Variants in IL5RA observed in about 807,000 individuals in gnomAD.
IL5RA encodes the protein interleukin 5 receptor subunit alpha, also known as interleukin-5 receptor subunit alpha.
In IL5RA, 49 loss-of-function variants were observed where a neutral mutation model predicts 50.0. The ratio of observed to expected loss-of-function variants is 0.98; its 90% confidence interval spans 0.78 to 1.24. The LOEUF (loss-of-function observed/expected upper bound fraction) is 1.24, where lower values mean the gene tolerates loss of function less well. Among genes scored for constraint, IL5RA ranks in the 50% most tolerant of loss-of-function variants. The probability of loss-of-function intolerance (pLI) is 0.00; values close to 1 mark genes in which losing one functional copy is unlikely to be tolerated. For missense variants in IL5RA, 600 were observed against 500.4 expected, an observed-to-expected ratio of 1.20 and a Z score of -1.90; for synonymous variants, 202 against 174.0, an observed-to-expected ratio of 1.16 and a Z score of -1.26.
rs111802229 is a variant in IL5RA at position 3,105,249 on chromosome 3, G to A, written c.-3-262C>T. Reference sequence around the variant, plus strand: ...CTGCCTCAGTAAAGGTGTGTATGGGGTACAATAGGAGCAGAGACTTCTGAT... The same window carrying A: ...CTGCCTCAGTAAAGGTGTGTATGGGATACAATAGGAGCAGAGACTTCTGAT... On this transcript the variant is annotated intron_variant, in intron 2 of 11. Transcript: ENST00000446632. 5.1e-4 allele frequency among the ~76,000 whole-genome samples: 78 copies of A among 152,258 alleles called. No homozygotes were observed. The Middle Eastern group carries it at 0.01, about 20-fold the overall frequency.
intron 2 of IL5RA, among the ~76,000 whole-genome samples, chr3:3,106,685 A>G (rs571465424): frequency 6.6e-6 from 1 of 152,306 alleles, no homozygotes; most frequent in Non-Finnish European, 1.5e-5. Context: ...CTGAGAAGCA[A>G]AGATAAAAAT....
intron 8 of IL5RA, among the ~76,000 whole-genome samples, chr3:3,094,448 C>T (rs780409015): frequency 6.6e-6 from 1 of 152,162 alleles, no homozygotes; most frequent in East Asian, 1.9e-4. Flanking sequence ...AATCTCCTTC[C>T]TTTTAATGCT....
intron 8 of IL5RA, among the ~76,000 whole-genome samples, chr3:3,093,877 A>G (rs966477425): frequency 3.9e-5 from 6 of 152,260 alleles, no homozygotes; most frequent in African/African-American, 1.4e-4. Flanking sequence ...TCTGTAAGAC[A>G]TAAGTTGGAA....
At chr3:3,098,989 A>G (rs17885333) in intron 5 of IL5RA, among the ~76,000 whole-genome samples, 7,033 of 152,218 alleles carry the variant, frequency 0.046, 246 homozygotes, top group African/African-American at 0.098. Flanking sequence ...TGTGTTTTCA[A>G]CTGTAAAGGA....
intron 3 of IL5RA, among the ~76,000 whole-genome samples, chr3:3,104,491 A>G (rs1379127293): frequency 6.6e-6 from 1 of 152,238 alleles, no homozygotes; most frequent in East Asian, 1.9e-4. Flanking sequence ...GACTGGGACC[A>G]TGTGATGATT....
intron 5 of IL5RA, among the ~76,000 whole-genome samples, chr3:3,100,283 A>C (rs938605401): frequency 6.6e-6 from 1 of 152,230 alleles, no homozygotes; most frequent in Non-Finnish European, 1.5e-5. Flanking sequence ...GAGGGAGAAG[A>C]TGATGAGAGA....
Position 3,087,687 on chromosome 3 carries a change from G to A in IL5RA, c.994+4537C>T, listed in dbSNP as rs967993602. Among the ~76,000 whole-genome samples, 4 of 152,066 alleles carry A rather than the reference G, an allele frequency of 2.6e-5. 1 individual carries two copies. In the South Asian group the frequency reaches 8.3e-4, roughly 32 times the overall value. ...GGGTTGATATTTGAGTTGAGTCTTG[G>A]AGTAAAATGGAGTGGGAGGGCTACA... On this transcript the variant is annotated intron_variant, in intron 9 of 11. Transcript: ENST00000446632.
chr3:3,097,994 T>A lies in IL5RA; in HGVS notation c.585A>T (p.Ala195=), dbSNP rs765110668. Residue 195 remains alanine, a synonymous_variant, in exon 7 of 12, where the codon GCA becomes GCT. Transcript: ENST00000446632. ...GGATAAAAGTCCTGGGAAACCAGCATGCGATATTTCTCCCCAGTGTGTCTT... is the reference window on the plus strand; with the variant it reads ...GGATAAAAGTCCTGGGAAACCAGCAAGCGATATTTCTCCCCAGTGTGTCTT... ...YSKDTLGRNI[A]CWFPRTFILS... 3.1e-6 allele frequency: 5 copies of A among 1,614,086 alleles called. No individual in the cohort carries two copies. The highest frequency in any genetic ancestry group is 3.4e-6 in the Non-Finnish European group (4 of 1,180,054).
At position 3,108,682 on chromosome 3, in the gene IL5RA, G is replaced by T. The variant is rs552652161; in HGVS notation, c.-136C>A. 1.9e-4 allele frequency: 29 copies of T among 152,200 alleles called. No homozygotes were observed. Among genetic ancestry groups the T allele is most frequent in the African/African-American group, 7.0e-4 (29 of 41,438 alleles). 9.4% of individuals were successfully genotyped at this position (152,200 alleles called of 1,614,324 possible). Reference sequence around the variant, plus strand: ...GTCAGGCACAGGACCAATGCTCAATGTGCCTGGCCCTGTGTGGAATAGAAG... The same window carrying T: ...GTCAGGCACAGGACCAATGCTCAATTTGCCTGGCCCTGTGTGGAATAGAAG... On this transcript the variant is annotated 5_prime_UTR_variant, in exon 2 of 12. Transcript: ENST00000446632.
rs1702141487 is a variant in IL5RA, at chr3:3,066,528, C to G, written c.*3697G>C. 1 of 152,136 alleles carries G rather than the reference C, an allele frequency of 6.6e-6. No homozygotes were observed. Among genetic ancestry groups the G allele is most frequent in the Non-Finnish European group, 1.5e-5 (1 of 68,022 alleles). 9.4% of individuals were successfully genotyped at this position (152,136 alleles called of 1,614,324 possible). A position where few individuals can be genotyped will look rare whatever the true frequency, so the allele number is the denominator to read the frequency against. ...ATAGCTACAGTCCTTAGGCTAGCACCAAGTCCTATTCTAATTAGGTTTTTC... is the reference window on the plus strand; with the variant it reads ...ATAGCTACAGTCCTTAGGCTAGCACGAAGTCCTATTCTAATTAGGTTTTTC... On this transcript the variant is annotated 3_prime_UTR_variant, in exon 12 of 12. Transcript: ENST00000446632.
At chr3:3,093,885 G>A (rs1295553759) in intron 8 of IL5RA, among the ~76,000 whole-genome samples, 1 of 152,204 alleles carries the variant, frequency 6.6e-6, no homozygotes, top group Admixed American at 6.5e-5. Context: ...ACATAAGTTG[G>A]AATCCTATTT....
At chr3:3,074,296 A>G (rs987481307) in intron 11 of IL5RA, among the ~76,000 whole-genome samples, 7 of 152,246 alleles carry the variant, frequency 4.6e-5, no homozygotes, top group African/African-American at 1.4e-4. Flanking sequence ...ACATTGTACA[A>G]TCTCATCTGT....
At chr3:3,089,489 C>G (rs577168583) in intron 9 of IL5RA, among the ~76,000 whole-genome samples, 1 of 152,268 alleles carries the variant, frequency 6.6e-6, no homozygotes, top group African/African-American at 2.4e-5. Flanking sequence ...ATAGCTTAAG[C>G]GAATGAATTA....
chr3:3,101,859 C>T (rs1703669488), intron 4 of IL5RA, 29 bp from the exon 5 acceptor site: 1 of 1,599,784 alleles, frequency 6.3e-7, no homozygotes, highest in Admixed American at 1.7e-5. Context: ...AGTCATGATA[C>T]ATAAAAGAGA....
intron 7 of IL5RA, among the ~76,000 whole-genome samples, chr3:3,096,442 A>C (rs1703372615): frequency 6.6e-6 from 1 of 152,168 alleles, no homozygotes; most frequent in Non-Finnish European, 1.5e-5. Flanking sequence ...CTTAGGTAAT[A>C]TGACTTAGAT....
chr3:3,073,693 A>G (rs1270123731), intron 11 of IL5RA: 1 of 397,636 alleles, frequency 2.5e-6, no homozygotes, highest in Non-Finnish European at 4.9e-6. Flanking sequence ...TGCTATGTTT[A>G]TAGATAAGAC....
chr3:3,067,959 G>A lies in IL5RA; in HGVS notation c.*2266C>T, dbSNP rs986574294. 2 of 152,206 alleles carry A rather than the reference G, an allele frequency of 1.3e-5. No homozygotes were observed. Among genetic ancestry groups the A allele is most frequent in the African/African-American group, 2.4e-5 (1 of 41,450 alleles). 9.4% of individuals were successfully genotyped at this position (152,206 alleles called of 1,614,324 possible). ...CCACAATGCCAACTGTCTGGGTTGTGGTTTGAAAGAGATCAGACAGGGTGC... is the reference window on the plus strand; with the variant it reads ...CCACAATGCCAACTGTCTGGGTTGTAGTTTGAAAGAGATCAGACAGGGTGC... On this transcript the variant is annotated 3_prime_UTR_variant, in exon 12 of 12. Transcript: ENST00000446632.
rs955210255 is a variant in IL5RA, at chr3:3,104,954, G to A, written c.31C>T (p.Leu11Phe). Reference protein sequence around the residue: MIIVAHVLLILLGATEILQAD... With the variant: MIIVAHVLLIFLGATEILQAD... ...TGCAGTATCTCAGTGGCCCCCAAAAGGATGAGTAATACATGCGCCACGATG... is the reference window on the plus strand; with the variant it reads ...TGCAGTATCTCAGTGGCCCCCAAAAAGATGAGTAATACATGCGCCACGATG... The change falls in exon 3 of 12, where the codon CTT (leucine) becomes TTT (phenylalanine). Residue 11 changes from leucine to phenylalanine, a missense_variant. By Grantham distance (22) the Leu-to-Phe change is conservative. Transcript: ENST00000446632. 3.7e-6 allele frequency: 6 copies of A among 1,612,740 alleles called. No homozygotes were observed. Among genetic ancestry groups the A allele is most frequent in the Non-Finnish European group, 5.1e-6 (6 of 1,179,090 alleles).
At chr3:3,071,816 G>A (rs941509994) in intron 11 of IL5RA, among the ~76,000 whole-genome samples, 1 of 152,070 alleles carries the variant, frequency 6.6e-6, no homozygotes, top group African/African-American at 2.4e-5. Flanking sequence ...TTTCAAACTT[G>A]TGAGGTCAAA....
Sources: allele counts gnomAD v4.1 joint callset (sites outside exome capture counted in the v4.1 genomes callset), GRCh38; gene constraint gnomAD v4.1.1; transcripts MANE v1.5; gene names NCBI Gene and HGNC (gene_info 2026-07-23, HGNC 2026-07-21).